The following CDK14 variants were observed in gnomAD, a reference collection of about 807,000 sequenced individuals.
CDK14 encodes the protein cyclin dependent kinase 14, also known as cyclin-dependent kinase 14.
In CDK14, 34 loss-of-function variants were observed where a neutral mutation model predicts 60.7. The observed-to-expected ratio is 0.56, with a 90% confidence interval of 0.43 to 0.75. The LOEUF (loss-of-function observed/expected upper bound fraction) is 0.75, where lower values mean the gene tolerates loss of function less well. CDK14 is among the 30% of genes least tolerant of loss of function. CDK14 has a pLI of 0.00. For missense variants in CDK14, 482 were observed against 564.1 expected, an observed-to-expected ratio of 0.85 and a Z score of 1.47; for synonymous variants, 197 against 203.7, an observed-to-expected ratio of 0.97 and a Z score of 0.28.
In CDK14 at chr7:90,802,154, CT is replaced by C. The variant is rs144332356; in HGVS notation, c.544+11503del. On this transcript the variant is annotated intron_variant, in intron 5 of 14. Coordinates refer to ENST00000380050, the MANE Select transcript of CDK14 (RefSeq NM_001287135.2). ...ATATCGCTGTTTGGAATTGTTCATCCTCTTGTAATGATTTCAAAATTAACAA... is the reference window on the plus strand; with the variant it reads ...ATATCGCTGTTTGGAATTGTTCATCCCTTGTAATGATTTCAAAATTAACAA... Among the ~76,000 whole-genome samples the C allele has an allele frequency of 7.7e-3, 1,169 of 152,248 alleles. 22 individuals are homozygous for C. The highest frequency in any genetic ancestry group is 0.027 in the African/African-American group (1,130 of 41,538).
intron 6 of CDK14, among the ~76,000 whole-genome samples, chr7:90,895,303 A>ATTCTTTCCTCTTCTTTCCTC (rs200454530): frequency 0.015 from 1,186 of 78,632 alleles, 115 homozygotes; most frequent in Non-Finnish European, 0.02. Flanking sequence ...CACTTTTCCC[A>ATTCTTTCCTCTTCTTTCCTC]TTCTTTCCTC....
chr7:90,854,286 G>T (rs1790747452), intron 5 of CDK14, among the ~76,000 whole-genome samples: 1 of 152,156 alleles, frequency 6.6e-6, no homozygotes, highest in African/African-American at 2.4e-5. Context: ...GGCCAAGGTG[G>T]AAGAATCACT....
chr7:90,709,645 T>G (rs1275173192), intron 2 of CDK14: 1 of 1,606,274 alleles, frequency 6.2e-7, no homozygotes, highest in Admixed American at 1.7e-5. Flanking sequence ...AAAATTAGAT[T>G]TTTTGGAGAA....
rs562905130 is a variant in CDK14 at position 91,208,572 on chromosome 7, G to A, written c.*1436G>A. 2.6e-5 allele frequency: 4 copies of A among 152,318 alleles called. No homozygotes were observed. The highest frequency in any genetic ancestry group is 2.6e-4 in the Admixed American group (4 of 15,306). The allele number at this position is 152,318 out of a possible 1,614,324, so 9.4% of individuals were successfully genotyped here. Reference sequence around the variant, plus strand: ...TACAGTGTCTTACATTTTCCTATTAGTCAGAAAGAAGGAGAGAATGAGTGA... The same window carrying A: ...TACAGTGTCTTACATTTTCCTATTAATCAGAAAGAAGGAGAGAATGAGTGA... On this transcript the variant is annotated 3_prime_UTR_variant, in exon 15 of 15. Transcript: ENST00000380050.
At chr7:90,797,659 G>A (rs550725727) in intron 5 of CDK14, among the ~76,000 whole-genome samples, 1 of 152,064 alleles carries the variant, frequency 6.6e-6, no homozygotes, top group Non-Finnish European at 1.5e-5. Flanking sequence ...TGTACCAGAA[G>A]CACAGCATCT....
intron 9 of CDK14, among the ~76,000 whole-genome samples, chr7:90,975,878 T>A (rs1795057574): frequency 6.6e-6 from 1 of 152,212 alleles, no homozygotes; most frequent in Admixed American, 6.6e-5. Flanking sequence ...TTTCATTCTT[T>A]TTTTATGGCT....
chr7:91,139,534 A>T (rs1211474241), intron 14 of CDK14, among the ~76,000 whole-genome samples: 2 of 152,198 alleles, frequency 1.3e-5, no homozygotes, highest in African/African-American at 4.8e-5. Flanking sequence ...GCAGGGCTTC[A>T]ACCCCATCAC....
At chr7:91,169,824 G>A (rs1350538985) in intron 14 of CDK14, among the ~76,000 whole-genome samples, 1 of 152,156 alleles carries the variant, frequency 6.6e-6, no homozygotes, top group Admixed American at 6.5e-5. Context: ...GGAGGCTTTA[G>A]GCATGACTAC....
chr7:91,048,399 A>G (rs1170428267), intron 11 of CDK14, among the ~76,000 whole-genome samples: 4 of 152,178 alleles, frequency 2.6e-5, no homozygotes, highest in Middle Eastern at 3.2e-3. Flanking sequence ...CCCATTCACT[A>G]ATTAGGGACA....
chr7:91,176,238 A>G (rs1037293691), intron 14 of CDK14, among the ~76,000 whole-genome samples: 1 of 152,218 alleles, frequency 6.6e-6, no homozygotes, highest in African/African-American at 2.4e-5. Flanking sequence ...GAAGGCATAA[A>G]TAAAGATGTT....
At chr7:91,161,543 A>G (rs1004753182) in intron 14 of CDK14, among the ~76,000 whole-genome samples, 5 of 152,218 alleles carry the variant, frequency 3.3e-5, no homozygotes, top group Non-Finnish European at 7.3e-5. Flanking sequence ...TGTTTTCATG[A>G]TAGGCTAATT....
intron 8 of CDK14, among the ~76,000 whole-genome samples, chr7:90,923,276 A>AT (rs1410421878): frequency 6.6e-6 from 1 of 151,652 alleles, no homozygotes; most frequent in African/African-American, 2.4e-5. Context: ...CTCCTGGCTA[A>AT]TTTTTTGTAT....
chr7:90,886,755 ATATATCAGGGTCC>A (rs1468011368), intron 6 of CDK14, among the ~76,000 whole-genome samples: 1 of 152,208 alleles, frequency 6.6e-6, no homozygotes, highest in Non-Finnish European at 1.5e-5. Flanking sequence ...TGTTTGCCAA[ATATATCAGGGTCC>A]TGAGAAAGTT....
chr7:90,699,042 G>A (rs908130998), intron 2 of CDK14, among the ~76,000 whole-genome samples: 3 of 152,172 alleles, frequency 2.0e-5, no homozygotes, highest in African/African-American at 7.2e-5. Flanking sequence ...ATATCAAGAA[G>A]GCCTGTAGGG....
chr7:90,673,475 C>T (rs1278483851), intron 2 of CDK14, among the ~76,000 whole-genome samples: 1 of 151,908 alleles, frequency 6.6e-6, no homozygotes, highest in Non-Finnish European at 1.5e-5. Context: ...CACAGCCCAC[C>T]CGGTGGCACA....
Position 90,955,787 on chromosome 7 carries a change from C to T in CDK14, c.917C>T (p.Ser306Leu). The T allele has an allele frequency of 6.2e-7, 1 of 1,613,354 alleles. No homozygotes were observed. Among genetic ancestry groups the T allele is most frequent in the Non-Finnish European group, 8.5e-7 (1 of 1,179,426 alleles). The change falls in exon 9 of 15, where the codon TCA becomes TTA. Residue 306 changes from serine (S) to leucine (L), a missense_variant. Physicochemically the swap from Ser to Leu is moderately radical, Grantham distance 145. Transcript: ENST00000380050. ...WYRPPDVLLG[S>L]TEYSTCLDMW... ...AGACCTCCAGATGTCCTTCTAGGCTCAACAGAATATTCCACCTGCCTTGAC... is the reference window on the plus strand; with the variant it reads ...AGACCTCCAGATGTCCTTCTAGGCTTAACAGAATATTCCACCTGCCTTGAC...
At chr7:90,620,741 C>G (rs1014921018) in intron 2 of CDK14, among the ~76,000 whole-genome samples, 1 of 152,176 alleles carries the variant, frequency 6.6e-6, no homozygotes, top group Non-Finnish European at 1.5e-5. Flanking sequence ...TTTGGGCCAT[C>G]CTCCACATGA....
chr7:91,034,017 T>A (rs945412898), intron 10 of CDK14, among the ~76,000 whole-genome samples: 1 of 152,254 alleles, frequency 6.6e-6, no homozygotes, highest in Non-Finnish European at 1.5e-5. Flanking sequence ...CACTGCAGAA[T>A]TTTCCAGGCA....
chr7:91,176,873 C>T (rs1017508987), intron 14 of CDK14, among the ~76,000 whole-genome samples: 2 of 152,100 alleles, frequency 1.3e-5, no homozygotes, highest in South Asian at 2.1e-4. Context: ...CGAATTCTAC[C>T]AGAGGTACAA....
Sources: allele counts gnomAD v4.1 joint callset (sites outside exome capture counted in the v4.1 genomes callset), GRCh38; gene constraint gnomAD v4.1.1; transcripts MANE v1.5; gene names NCBI Gene and HGNC (gene_info 2026-07-23, HGNC 2026-07-21).